COBLL1: variants seen among roughly 807,000 people sequenced by gnomAD.
COBLL1 encodes cordon-bleu WH2 repeat protein like 1.
In COBLL1, 50 loss-of-function variants were observed where a neutral mutation model predicts 94.8. The ratio of observed to expected loss-of-function variants is 0.53; its 90% CI spans 0.42 to 0.67. The LOEUF is 0.67. Ranked by LOEUF, COBLL1 falls within the 30% of genes least tolerant of loss-of-function variation. COBLL1 has a pLI of 0.00. For missense variants in COBLL1, 1,362 were observed against 1,348.7 expected (o/e 1.01, Z -0.15); for synonymous variants, 448 against 473.8 (o/e 0.95, Z 0.71).
chr2:164,732,563 G>A (rs1239171848), intron 3 of COBLL1, among the ~76,000 whole-genome samples: 3 of 152,188 alleles, frequency 2.0e-5, no homozygotes, highest in Non-Finnish European at 4.4e-5. Flanking sequence ...GAAGAGAAGA[G>A]AACTTTCATT....
chr2:164,715,407 G>A (rs933494914), intron 7 of COBLL1, among the ~76,000 whole-genome samples: 2 of 151,964 alleles, frequency 1.3e-5, no homozygotes, highest in African/African-American at 4.8e-5. Context: ...GGAAAATGGA[G>A]GGGAAAATAA....
intron 7 of COBLL1, among the ~76,000 whole-genome samples, chr2:164,713,774 G>A (rs550761707): frequency 6.6e-6 from 1 of 152,258 alleles, no homozygotes; most frequent in African/African-American, 2.4e-5. Flanking sequence ...AAAGATGTCA[G>A]TCAATGTTTT....
At chr2:164,754,127 A>G (rs761299681) in intron 2 of COBLL1, among the ~76,000 whole-genome samples, 7 of 152,192 alleles carry the variant, frequency 4.6e-5, no homozygotes, top group Non-Finnish European at 1.0e-4. Flanking sequence ...AAGTGCTATA[A>G]GTGTAAAATA....
chr2:164,695,326 A>G lies in COBLL1; in HGVS notation c.2066T>C (p.Val689Ala), dbSNP rs537613643. The part of the protein sequence containing the change: ...AHGNDDLLPP[V>A]DRIDKNSTAS... ...AGTGGAATTTTTGTCAATCCTATCTACAGGAGGCAAAAGATCATCATTACC... is the reference window on the plus strand; with the variant it reads ...AGTGGAATTTTTGTCAATCCTATCTGCAGGAGGCAAAAGATCATCATTACC... The change falls in exon 12 of 14, where the codon GTA becomes GCA. Residue 689 changes from valine to alanine, a missense_variant. Physicochemically the swap from Val to Ala is moderately conservative, Grantham distance 64. Coordinates refer to ENST00000652658, the MANE Select transcript of COBLL1 (RefSeq NM_001365672.2). 15 of 1,613,924 alleles carry G rather than the reference A, an allele frequency of 9.3e-6. No individual in the cohort carries two copies. The African/African-American group carries it at 1.7e-4, about 19-fold the overall frequency.
At chr2:164,834,479 T>C (rs1229094173) in intron 2 of COBLL1, among the ~76,000 whole-genome samples, 1 of 152,258 alleles carries the variant, frequency 6.6e-6, no homozygotes, top group South Asian at 2.1e-4. Context: ...GTATAAGATA[T>C]ATTTCACTCC....
chr2:164,804,111 A>C (rs1683967445), intron 2 of COBLL1, among the ~76,000 whole-genome samples: 1 of 72,492 alleles, frequency 1.4e-5, no homozygotes, highest in East Asian at 2.5e-4. Flanking sequence ...AGGCCTTAGC[A>C]AAAAAAAAAA....
intron 2 of COBLL1, among the ~76,000 whole-genome samples, chr2:164,785,126 G>C (rs1559013685): frequency 6.6e-6 from 1 of 152,146 alleles, no homozygotes; most frequent in Non-Finnish European, 1.5e-5. Flanking sequence ...CTCCAGAACT[G>C]TGAGAAAGTA....
intron 2 of COBLL1, among the ~76,000 whole-genome samples, chr2:164,770,502 C>A (rs1200650870): frequency 6.6e-6 from 1 of 152,008 alleles, no homozygotes; most frequent in African/African-American, 2.4e-5. Flanking sequence ...AGGAAAAATA[C>A]CCATATTCTG....
At chr2:164,692,436 G>T (rs774506331) in intron 12 of COBLL1, 39 bp from the exon 13 acceptor site, 1 of 1,519,934 alleles carries the variant, frequency 6.6e-7, no homozygotes, top group Non-Finnish European at 8.9e-7. Context: ...TGAATGCCAA[G>T]AAAAGAATGG....
intron 2 of COBLL1, among the ~76,000 whole-genome samples, chr2:164,802,548 G>GT (rs3835930): frequency 0.65 from 99,382 of 151,970 alleles, 33,289 homozygotes; most frequent in African/African-American, 0.79. Context: ...AGAAGATTGT[G>GT]GCACAGCTTC....
At chr2:164,826,196 CATATTCCTA>C (rs1174162404) in intron 2 of COBLL1, among the ~76,000 whole-genome samples, 2 of 152,208 alleles carry the variant, frequency 1.3e-5, no homozygotes, top group Admixed American at 1.3e-4. Context: ...ACCTTGGTAG[CATATTCCTA>C]ATCTCAGTGG....
intron 2 of COBLL1, among the ~76,000 whole-genome samples, chr2:164,778,681 T>C (rs1688590921): frequency 6.6e-6 from 1 of 152,202 alleles, no homozygotes; most frequent in African/African-American, 2.4e-5. Flanking sequence ...GGCAGTCATA[T>C]GATCTTATTT....
chr2:164,772,829 T>G (rs1280187446), intron 2 of COBLL1, among the ~76,000 whole-genome samples: 3 of 152,064 alleles, frequency 2.0e-5, no homozygotes, highest in Non-Finnish European at 2.9e-5. Context: ...AAAAGAATAA[T>G]GTTTTAGCAC....
chr2:164,798,976 CG>C (rs1355704326), intron 2 of COBLL1, among the ~76,000 whole-genome samples: 2 of 128,084 alleles, frequency 1.6e-5, no homozygotes, highest in Non-Finnish European at 3.1e-5. Context: ...GCCAAGATCG[CG>C]CCACTGCATC....
chr2:164,768,115 A>C (rs1278383958), intron 2 of COBLL1, among the ~76,000 whole-genome samples: 1 of 152,126 alleles, frequency 6.6e-6, no homozygotes, highest in Non-Finnish European at 1.5e-5. Flanking sequence ...ACACTGACAA[A>C]CCTTTAAGAA....
At chr2:164,743,937 A>G (rs1280054223) in intron 2 of COBLL1, 62 bp from the exon 3 acceptor site, 2 of 1,202,490 alleles carry the variant, frequency 1.7e-6, no homozygotes, top group African/African-American at 3.1e-5. Flanking sequence ...ACTTTTTAAT[A>G]TGATGTATTT....
chr2:164,780,759 C>T (rs1387861948), intron 2 of COBLL1, among the ~76,000 whole-genome samples: 2 of 152,084 alleles, frequency 1.3e-5, no homozygotes, highest in Non-Finnish European at 2.9e-5. Context: ...GTGGTGCTGC[C>T]GGAGTATCTG....
rs1184540369 is a variant in COBLL1, at chr2:164,685,512, T to G, written c.*434A>C. On this transcript the variant is annotated 3_prime_UTR_variant, in exon 14 of 14. Transcript: ENST00000652658. ...AGCCCAAAACAGGCTTTCATATAAC[T>G]TATAAATATTTCCAATTGCTACACT... 6.5e-6 allele frequency: 1 copy of G among 152,856 alleles called. No homozygotes were observed. The highest frequency in any genetic ancestry group is 1.5e-5 in the Non-Finnish European group (1 of 68,272). 9.5% of individuals were successfully genotyped at this position (152,856 alleles called of 1,614,324 possible).
chr2:164,745,803 T>C (rs1216803840), intron 2 of COBLL1, among the ~76,000 whole-genome samples: 2 of 152,044 alleles, frequency 1.3e-5, no homozygotes, highest in African/African-American at 4.8e-5. Flanking sequence ...AATAGAACCA[T>C]AAAAGAAAAT....
Sources: allele counts gnomAD v4.1 joint callset (sites outside exome capture counted in the v4.1 genomes callset), GRCh38; gene constraint gnomAD v4.1.1; transcripts MANE v1.5; gene names NCBI Gene and HGNC (gene_info 2026-07-23, HGNC 2026-07-21).